FAM133B: variants seen among roughly 807,000 people sequenced by gnomAD.
FAM133B encodes family with sequence similarity 133 member B, also known as protein FAM133B.
In FAM133B, 25 loss-of-function variants were observed where a neutral mutation model predicts 46.4. The ratio of observed to expected loss-of-function variants is 0.54; its 90% CI spans 0.39 to 0.75. The LOEUF is 0.75. FAM133B is among the 30% of genes least tolerant of loss of function. FAM133B has a pLI of 0.00. For synonymous variants in FAM133B, 75 were observed against 86.0 expected, an observed-to-expected ratio of 0.87 and a Z score of 0.71; for missense variants, 205 against 277.6, an observed-to-expected ratio of 0.74 and a Z score of 1.86.
At chr7:92,585,748 G>A (rs1427648141) in intron 1 of FAM133B, among the ~76,000 whole-genome samples, 2 of 151,324 alleles carry the variant, frequency 1.3e-5, no homozygotes, top group Non-Finnish European at 3.0e-5. Flanking sequence ...AAATATAAAG[G>A]AAAACATCCA....
intron 8 of FAM133B, among the ~76,000 whole-genome samples, chr7:92,570,987 A>G (rs1365121001): frequency 6.6e-6 from 1 of 152,196 alleles, no homozygotes; most frequent in Non-Finnish European, 1.5e-5. Context: ...GTATCTTTCC[A>G]TGCCAACTAC....
At chr7:92,581,389 T>TA (rs895875714) in intron 2 of FAM133B, 117 bp downstream of exon 2, 2 of 800,100 alleles carry the variant, frequency 2.5e-6, no homozygotes, top group Non-Finnish European at 4.0e-6. Flanking sequence ...AAATGTTACT[T>TA]AAAAAAATTA....
At chr7:92,588,933 C>CCCA in intron 1 of FAM133B, among the ~76,000 whole-genome samples, 1 of 152,206 alleles carries the variant, frequency 6.6e-6, no homozygotes, top group Non-Finnish European at 1.5e-5. Flanking sequence ...GCTTCCTGTA[C>CCCA]AGCCCATAGA....
At position 92,590,079 on chromosome 7, in the gene FAM133B, G is replaced by A. The variant is rs908359230; in HGVS notation, c.24+189C>T. ...AAAAAGGGGCGGGCAAGAGAGAGCTGGGAACCCTAAAGCGCCAACTGCGTG... is the reference window on the plus strand; with the variant it reads ...AAAAAGGGGCGGGCAAGAGAGAGCTAGGAACCCTAAAGCGCCAACTGCGTG... On this transcript the variant is annotated intron_variant, in intron 1 of 10. Transcript: ENST00000445716. 1.4e-5 allele frequency: 10 copies of A among 715,996 alleles called. No homozygotes were observed. In the South Asian group the frequency reaches 1.9e-4, roughly 13 times the overall value. The allele number at this position is 715,996 out of a possible 1,614,324, so 44.4% of individuals were successfully genotyped here.
chr7:92,573,415 A>C (rs1175593182), intron 8 of FAM133B, among the ~76,000 whole-genome samples: 7 of 151,168 alleles, frequency 4.6e-5, no homozygotes, highest in Non-Finnish European at 1.5e-5. Flanking sequence ...TCAGCCTCCC[A>C]AAGTGTTCGG....
chr7:92,590,350 A>G lies in FAM133B; in HGVS notation c.-59T>C. 3 of 1,608,744 alleles carry G rather than the reference A, an allele frequency of 1.9e-6. No individual in the cohort carries two copies. The highest frequency in any genetic ancestry group is 2.5e-6 in the Non-Finnish European group (3 of 1,178,148). ...GGAAACCGGGCCGGAGAGACTGCCG[A>G]AGAGGGCCTGCCGCAGGTCCTCTTG... is the stretch of plus-strand genomic sequence containing the variant. On this transcript the variant is annotated 5_prime_UTR_variant, in exon 1 of 11. Transcript: ENST00000445716.
At chr7:92,584,448 C>T (rs1009674433) in intron 1 of FAM133B, among the ~76,000 whole-genome samples, 1 of 152,070 alleles carries the variant, frequency 6.6e-6, no homozygotes, top group Non-Finnish European at 1.5e-5. Context: ...CAATATAAAA[C>T]CAGCATAAAC....
At chr7:92,585,727 C>CAT (rs1458946967) in intron 1 of FAM133B, among the ~76,000 whole-genome samples, 1 of 152,060 alleles carries the variant, frequency 6.6e-6, no homozygotes, top group African/African-American at 2.4e-5. Flanking sequence ...AATTAGACTG[C>CAT]ATGTGCACCA....
At chr7:92,572,019 T>C (rs1485495298) in intron 8 of FAM133B, among the ~76,000 whole-genome samples, 3 of 152,150 alleles carry the variant, frequency 2.0e-5, no homozygotes, top group Non-Finnish European at 4.4e-5. Context: ...ATCAGCACTT[T>C]CAGAATAATT....
At chr7:92,578,971 C>G (rs1250713543) in intron 3 of FAM133B, among the ~76,000 whole-genome samples, 2 of 152,074 alleles carry the variant, frequency 1.3e-5, no homozygotes, top group Non-Finnish European at 2.9e-5. Flanking sequence ...ACTGCTCAAC[C>G]CTAACTTGGA....
intron 1 of FAM133B, among the ~76,000 whole-genome samples, chr7:92,583,534 A>G (rs951914521): frequency 6.6e-6 from 1 of 152,254 alleles, no homozygotes; most frequent in African/African-American, 2.4e-5. Flanking sequence ...TTACTACAGC[A>G]GAAAAATATT....
At chr7:92,587,927 G>A (rs1795083786) in intron 1 of FAM133B, among the ~76,000 whole-genome samples, 1 of 151,876 alleles carries the variant, frequency 6.6e-6, no homozygotes, top group African/African-American at 2.4e-5. Flanking sequence ...AGGTAAACGG[G>A]ATATCTTTGT....
intron 6 of FAM133B, 92 bp downstream of exon 6, chr7:92,577,563 A>C: frequency 9.1e-7 from 1 of 1,099,526 alleles, no homozygotes; most frequent in Non-Finnish European, 1.3e-6. Context: ...CTGGAAGTCA[A>C]CATTTCTAAC....
chr7:92,572,283 C>A (rs1234793237), intron 8 of FAM133B, among the ~76,000 whole-genome samples: 2 of 152,166 alleles, frequency 1.3e-5, no homozygotes, highest in Non-Finnish European at 2.9e-5. Context: ...CCTGGGTTGA[C>A]AAGTATGTGA....
chr7:92,578,946 G>A (rs1400282293), intron 3 of FAM133B, among the ~76,000 whole-genome samples: 1 of 152,054 alleles, frequency 6.6e-6, no homozygotes, highest in African/African-American at 2.4e-5. Context: ...CTGCTCAGGA[G>A]GCTGAAGTAG....
At chr7:92,576,099 C>T (rs1439296114) in intron 7 of FAM133B, among the ~76,000 whole-genome samples, 7 of 152,228 alleles carry the variant, frequency 4.6e-5, no homozygotes, top group African/African-American at 1.7e-4. Context: ...GACTTCGTGT[C>T]ATTGCCTGTG....
In FAM133B at chr7:92,565,799, G is replaced by C. The variant is rs1794330002; in HGVS notation, c.657+215C>G. On this transcript the variant is annotated intron_variant, in intron 10 of 10. Transcript: ENST00000445716. ...TTTCTAACAGTAAAATACTGAAATG[G>C]AAACAGGACATGCTTGCTACCAGGG... 7 of 571,404 alleles carry C rather than the reference G, an allele frequency of 1.2e-5. No individual in the cohort carries two copies. In the East Asian group the frequency reaches 1.7e-4, roughly 14 times the overall value. The allele number at this position is 571,404 out of a possible 1,614,324, so 35.4% of individuals were successfully genotyped here. A position where few individuals can be genotyped will look rare whatever the true frequency, so the allele number is the denominator to read the frequency against.
In FAM133B at chr7:92,561,043, G is replaced by A. The variant is rs1794140702; in HGVS notation, c.*1239C>T. ...AATATGACACAGGGAGAGCAATAAT[G>A]TAACTCTTATTTAAACTTAACTTGT... On this transcript the variant is annotated 3_prime_UTR_variant, in exon 11 of 11. Coordinates refer to ENST00000445716, the MANE Select transcript of FAM133B (RefSeq NM_152789.4). 6.6e-6 allele frequency: 1 copy of A among 152,584 alleles called. No individual in the cohort carries two copies. Among genetic ancestry groups the A allele is most frequent in the Non-Finnish European group, 1.5e-5 (1 of 68,022 alleles). The allele number at this position is 152,584 out of a possible 1,614,324, so 9.5% of individuals were successfully genotyped here.
intron 7 of FAM133B, 131 bp downstream of exon 7, chr7:92,576,972 T>C: frequency 2.2e-6 from 1 of 451,220 alleles, no homozygotes; most frequent in Non-Finnish European, 3.9e-6. Context: ...ATCAAGTATA[T>C]CAATTAAGTG....
Sources: gnomAD v4.1 joint callset for allele counts (sites outside exome capture counted in the v4.1 genomes callset) on GRCh38, gnomAD v4.1.1 for gene constraint, MANE v1.5 for transcripts, NCBI Gene and HGNC (gene_info 2026-07-23, HGNC 2026-07-21) for gene names.